GRK5: variants seen among roughly 807,000 people sequenced by gnomAD.
GRK5 encodes the protein G protein-coupled receptor kinase 5.
Under a neutral mutation model 78.4 loss-of-function variants are expected in GRK5, and 40 were observed. The ratio of observed to expected loss-of-function variants is 0.51; its 90% CI spans 0.40 to 0.66. GRK5 has a LOEUF of 0.66. Ranked by LOEUF, GRK5 falls within the 30% of genes least tolerant of loss-of-function variation. The pLI, the probability that GRK5 is intolerant of heterozygous loss-of-function variation, is 0.00. For synonymous variants in GRK5, 289 were observed against 296.8 expected (o/e 0.97, Z 0.27); for missense variants, 598 against 759.9 (o/e 0.79, Z 2.50).
At chr10:119,406,489 C>T (rs1175133096) in intron 4 of GRK5, 2 of 984,972 alleles carry the variant, frequency 2.0e-6, no homozygotes, top group Non-Finnish European at 2.4e-6. Flanking sequence ...AAGTACCTGT[C>T]CCATTCTCCC....
chr10:119,337,168 T>G (rs531014067), intron 2 of GRK5, among the ~76,000 whole-genome samples: 38 of 152,166 alleles, frequency 2.5e-4, no homozygotes, highest in Non-Finnish European at 4.1e-4. Context: ...TGGGCTTCCG[T>G]GTCAGATTTC....
intron 1 of GRK5, among the ~76,000 whole-genome samples, chr10:119,308,616 G>A (rs1207001608): frequency 6.6e-6 from 1 of 152,212 alleles, no homozygotes; most frequent in Non-Finnish European, 1.5e-5. Flanking sequence ...ACGTTGGGCC[G>A]GTCAGCCCGC....
At chr10:119,344,587 G>T (rs924694994) in intron 2 of GRK5, among the ~76,000 whole-genome samples, 1 of 152,104 alleles carries the variant, frequency 6.6e-6, no homozygotes, top group Non-Finnish European at 1.5e-5. Context: ...ATGGTTTCTC[G>T]CTCCCCTGCT....
At chr10:119,302,972 C>T (rs1392741055) in intron 1 of GRK5, among the ~76,000 whole-genome samples, 2 of 152,184 alleles carry the variant, frequency 1.3e-5, no homozygotes, top group African/African-American at 4.8e-5. Context: ...TGAAGGAAGA[C>T]AGCTTAGAGG....
At chr10:119,344,461 T>A (rs1204877088) in intron 2 of GRK5, among the ~76,000 whole-genome samples, 1 of 152,054 alleles carries the variant, frequency 6.6e-6, no homozygotes, top group Non-Finnish European at 1.5e-5. Flanking sequence ...TAGTTCAGAG[T>A]AGGTTTTTCT....
intron 2 of GRK5, among the ~76,000 whole-genome samples, chr10:119,329,128 TAGA>T (rs894198511): frequency 1.3e-5 from 2 of 152,172 alleles, no homozygotes; most frequent in African/African-American, 4.8e-5. Context: ...TTCTAATAAA[TAGA>T]AGAAGAGCAT....
intron 1 of GRK5, among the ~76,000 whole-genome samples, chr10:119,234,336 C>CA (rs1160274690): frequency 6.6e-6 from 1 of 152,172 alleles, no homozygotes; most frequent in Admixed American, 6.5e-5. Flanking sequence ...TTGGTGTTGA[C>CA]AAAAAATATT....
At chr10:119,420,350 A>G (rs1054027513) in intron 4 of GRK5, among the ~76,000 whole-genome samples, 4 of 61,422 alleles carry the variant, frequency 6.5e-5, no homozygotes, top group Non-Finnish European at 1.4e-4. Context: ...ACAAACAAAC[A>G]AACAAAAAAA....
At chr10:119,314,253 C>T (rs1251889459) in intron 1 of GRK5, among the ~76,000 whole-genome samples, 7 of 152,240 alleles carry the variant, frequency 4.6e-5, no homozygotes, top group Non-Finnish European at 1.0e-4. Flanking sequence ...GGGTTCCAGC[C>T]CCTCTCGCCG....
chr10:119,393,874 G>A lies in GRK5; in HGVS notation c.262-2821G>A, dbSNP rs559714849. Among the ~76,000 whole-genome samples, 5 of 152,290 alleles carry A rather than the reference G, an allele frequency of 3.3e-5. No homozygotes were observed. In the East Asian group the frequency reaches 7.7e-4, roughly 23 times the overall value. ...CACTCCATATGGGGTGTGTGTCTGT[G>A]TGTGGGTGTCTGTATGTGTGTGTGT... is the stretch of plus-strand genomic sequence containing the variant. On this transcript the variant is annotated intron_variant, in intron 3 of 15. Coordinates refer to ENST00000392870, the MANE Select transcript of GRK5 (RefSeq NM_005308.3).
chr10:119,317,400 A>G lies in GRK5; in HGVS notation c.53-9116A>G, dbSNP rs1564888946. Among the ~76,000 whole-genome samples the G allele has an allele frequency of 1.3e-5, 2 of 148,546 alleles. 1 individual carries two copies. Among genetic ancestry groups the G allele is most frequent in the African/African-American group, 5.0e-5 (2 of 39,988 alleles). On this transcript the variant is annotated intron_variant, in intron 1 of 15. Transcript: ENST00000392870. The stretch of plus-strand genomic sequence containing the variant: ...TGTGTGTGTGCCCAAAATAGGTGTG[A>G]GGCTTGAGGTGACTTCTGCCCAACT...
chr10:119,442,105 C>T lies in GRK5; in HGVS notation c.1057+17C>T, dbSNP rs754483789. The T allele has an allele frequency of 1.5e-5, 24 of 1,607,944 alleles. No homozygotes were observed. The highest frequency in any genetic ancestry group is 1.2e-4 in the South Asian group (11 of 90,992). On this transcript the variant is annotated intron_variant, in intron 11 of 15. Transcript: ENST00000392870. Reference sequence around the variant, plus strand: ...GCTACATGGGTGAGTGCTGGGCTGCCTGTGTCAATGCACCTTGAGACCCAC... The same window carrying T: ...GCTACATGGGTGAGTGCTGGGCTGCTTGTGTCAATGCACCTTGAGACCCAC...
At chr10:119,284,360 T>C (rs1849813129) in intron 1 of GRK5, among the ~76,000 whole-genome samples, 1 of 152,200 alleles carries the variant, frequency 6.6e-6, no homozygotes, top group Admixed American at 6.5e-5. Flanking sequence ...AAATGTTGCC[T>C]GGGCTGGTCT....
At chr10:119,375,812 C>G (rs1176960628) in intron 2 of GRK5, among the ~76,000 whole-genome samples, 1 of 152,144 alleles carries the variant, frequency 6.6e-6, no homozygotes, top group Non-Finnish European at 1.5e-5. Flanking sequence ...TTTCTTGAAG[C>G]CAGTTCAGTC....
At chr10:119,244,238 T>C (rs1413511965) in intron 1 of GRK5, among the ~76,000 whole-genome samples, 2 of 152,276 alleles carry the variant, frequency 1.3e-5, no homozygotes, top group Admixed American at 6.5e-5. Flanking sequence ...TATCTTGCCA[T>C]CCCCTTGATA....
intron 8 of GRK5, among the ~76,000 whole-genome samples, chr10:119,434,762 T>A (rs553598444): frequency 1.3e-5 from 2 of 152,344 alleles, no homozygotes; most frequent in East Asian, 3.9e-4. Context: ...ACAGTGGCCC[T>A]CTTCTGACAG....
At chr10:119,355,550 G>A (rs1477092067) in intron 2 of GRK5, among the ~76,000 whole-genome samples, 2 of 152,224 alleles carry the variant, frequency 1.3e-5, no homozygotes, top group Non-Finnish European at 2.9e-5. Context: ...GGAGGCCAAG[G>A]TGGGTGGATC....
intron 1 of GRK5, among the ~76,000 whole-genome samples, chr10:119,248,686 A>AT (rs1049261486): frequency 6.6e-6 from 1 of 151,660 alleles, no homozygotes; most frequent in East Asian, 1.9e-4. Context: ...GGCAAGACTG[A>AT]TTTTTTCATT....
chr10:119,407,827 C>A (rs1385805209), intron 4 of GRK5, among the ~76,000 whole-genome samples: 1 of 152,062 alleles, frequency 6.6e-6, no homozygotes, highest in East Asian at 1.9e-4. Flanking sequence ...AGTTTGAGAC[C>A]TACCTGGGCA....
Sources: allele counts gnomAD v4.1 joint callset (sites outside exome capture counted in the v4.1 genomes callset), GRCh38; gene constraint gnomAD v4.1.1; transcripts MANE v1.5; gene names NCBI Gene and HGNC (gene_info 2026-07-23, HGNC 2026-07-21).